Variants in PCYOX1 observed in about 807,000 individuals in gnomAD.
The protein encoded by PCYOX1 is prenylcysteine lyase.
Under a neutral mutation model 46.4 loss-of-function variants are expected in PCYOX1, and 46 were observed. The observed-to-expected ratio is 0.99, with a 90% CI of 0.78 to 1.27. The LOEUF (loss-of-function observed/expected upper bound fraction) is 1.27, where lower values mean the gene tolerates loss of function less well. Among genes scored for constraint, PCYOX1 ranks in the 50% most tolerant of loss-of-function variants. The pLI, the probability that PCYOX1 is intolerant of heterozygous loss-of-function variation, is 0.00. For missense variants in PCYOX1, 658 were observed against 628.3 expected, an observed-to-expected ratio of 1.05 and a Z score of -0.51; for synonymous variants, 220 against 231.8, an observed-to-expected ratio of 0.95 and a Z score of 0.46.
At chr2:70,266,317 C>G (rs1301707928) in intron 3 of PCYOX1, among the ~76,000 whole-genome samples, 1 of 151,910 alleles carries the variant, frequency 6.6e-6, no homozygotes, top group Admixed American at 6.6e-5. Flanking sequence ...CGTCCACGAG[C>G]CAAGGAATGC....
chr2:70,267,625 C>CA (rs925317270), intron 3 of PCYOX1, among the ~76,000 whole-genome samples: 1 of 152,088 alleles, frequency 6.6e-6, no homozygotes, highest in Non-Finnish European at 1.5e-5. Flanking sequence ...CCGTCTCCAC[C>CA]AAAAAATACG....
Position 70,279,341 on chromosome 2 carries a change from A to G in PCYOX1, c.*1949A>G, listed in dbSNP as rs951877425. On this transcript the variant is annotated 3_prime_UTR_variant, in exon 6 of 6. Transcript: ENST00000433351. ...TCTTAACAGATATGTTGAGGTATTC[A>G]TATTTGTTTCCTTTTGTGGTTTTAA... 6.6e-6 allele frequency: 1 copy of G among 152,346 alleles called. No individual in the cohort carries two copies. Among genetic ancestry groups the G allele is most frequent in the South Asian group, 2.1e-4 (1 of 4,830 alleles). The allele number at this position is 152,346 out of a possible 1,614,324, so 9.4% of individuals were successfully genotyped here.
At chr2:70,258,125 T>G (rs375223370), upstream of PCYOX1, 119 of 1,497,040 alleles carry the variant, frequency 7.9e-5, no homozygotes, top group Non-Finnish European at 1.0e-4. Context: ...GTGGGAGGAC[T>G]GCGGGGCTCT....
intron 3 of PCYOX1, 91 bp downstream of exon 3, chr2:70,261,477 C>T: frequency 2.3e-6 from 2 of 869,060 alleles, no homozygotes; most frequent in Non-Finnish European, 3.6e-6. Flanking sequence ...TTCTTGTAAG[C>T]ATTTTCTACC....
chr2:70,275,121 T>C lies in PCYOX1; in HGVS notation c.657T>C (p.Pro219=), dbSNP rs1426403550. The C allele has an allele frequency of 1.6e-5, 26 of 1,614,188 alleles. No individual in the cohort carries two copies. The highest frequency in any genetic ancestry group is 1.9e-5 in the Non-Finnish European group (23 of 1,180,014). The stretch of plus-strand genomic sequence containing the variant: ...AGTTCCTCAATGAAATGATTGCTCC[T>C]GTTATGAGGGTCAATTATGGCCAAA... ...SEKFLNEMIA[P]VMRVNYGQST... The change falls in exon 4 of 6, where the codon CCT becomes CCC. Residue 219 remains proline (P), a synonymous_variant. Coordinates refer to ENST00000433351, the MANE Select transcript of PCYOX1 (RefSeq NM_016297.4).
intron 3 of PCYOX1, 77 bp downstream of exon 3, chr2:70,261,463 T>G: frequency 9.7e-7 from 1 of 1,032,486 alleles, no homozygotes; most frequent in Non-Finnish European, 1.4e-6. Flanking sequence ...TTAGGAATTA[T>G]GATTTCTTGT....
intron 2 of PCYOX1, 60 bp downstream of exon 2, chr2:70,259,626 AT>A (rs1362851183): frequency 7.9e-7 from 1 of 1,260,486 alleles, no homozygotes; most frequent in African/African-American, 1.5e-5. Context: ...GGATATTTTT[AT>A]CAGATGGAGA....
At chr2:70,267,897 C>T (rs889526035) in intron 3 of PCYOX1, among the ~76,000 whole-genome samples, 11 of 152,060 alleles carry the variant, frequency 7.2e-5, no homozygotes, top group Admixed American at 1.3e-4. Flanking sequence ...CTGCAGCCTC[C>T]GCCTCCTGGG....
At chr2:70,272,802 A>G (rs553755749) in intron 3 of PCYOX1, among the ~76,000 whole-genome samples, 5 of 152,060 alleles carry the variant, frequency 3.3e-5, no homozygotes, top group African/African-American at 1.2e-4. Flanking sequence ...GGGTCAAGCA[A>G]TTCTCATGCC....
intron 3 of PCYOX1, among the ~76,000 whole-genome samples, chr2:70,272,158 A>G (rs1388881082): frequency 7.7e-6 from 1 of 130,682 alleles, no homozygotes; most frequent in African/African-American, 2.9e-5. Context: ...AGGGAGTTTC[A>G]CTCTGTCACC....
chr2:70,277,537 C>T lies in PCYOX1; in HGVS notation c.*145C>T. The T allele has an allele frequency of 1.5e-6, 1 of 666,176 alleles. No homozygotes were observed. Among genetic ancestry groups the T allele is most frequent in the Non-Finnish European group, 2.6e-6 (1 of 387,022 alleles). 41.3% of individuals were successfully genotyped at this position (666,176 alleles called of 1,614,324 possible). A position where few individuals can be genotyped will look rare whatever the true frequency, so the allele number is the denominator to read the frequency against. On this transcript the variant is annotated 3_prime_UTR_variant, in exon 6 of 6. Transcript: ENST00000433351. ...GTAATCCCTGCTGGTCATAGGAAAA[C>T]ACACGGTTCTAATTAAGTGTGAAGG...
chr2:70,269,688 A>G (rs1169465905), intron 3 of PCYOX1, among the ~76,000 whole-genome samples: 1 of 152,090 alleles, frequency 6.6e-6, no homozygotes, highest in Non-Finnish European at 1.5e-5. Flanking sequence ...TTGATGTCAT[A>G]GCCTCCGGCA....
chr2:70,274,556 CT>C lies in PCYOX1; in HGVS notation c.495-392del, dbSNP rs1282437000. On this transcript the variant is annotated intron_variant, in intron 3 of 5. Transcript: ENST00000433351. ...CTTTCTTTCTTCCTTAGTTTCTTTTCTTTTTTTTTTTCTTTTTTTTTTTTTA... is the reference window on the plus strand; with the variant it reads ...CTTTCTTTCTTCCTTAGTTTCTTTTCTTTTTTTTTTCTTTTTTTTTTTTTA... Among the ~76,000 whole-genome samples the C allele has an allele frequency of 1.5e-4, 20 of 133,990 alleles. No individual in the cohort carries two copies. In the South Asian group the frequency reaches 1.7e-3, roughly 11 times the overall value. The allele number at this position is 133,990 out of a possible 152,430, so 87.9% of individuals were successfully genotyped here.
chr2:70,276,131 T>C (rs1050983097), intron 5 of PCYOX1, among the ~76,000 whole-genome samples: 11 of 149,658 alleles, frequency 7.4e-5, no homozygotes, highest in African/African-American at 2.5e-4. Context: ...AATTCCCCAG[T>C]GTAGTTAAGT....
intron 3 of PCYOX1, chr2:70,274,718 T>G (rs753236967): frequency 2.1e-5 from 10 of 471,710 alleles, no homozygotes; most frequent in Non-Finnish European, 3.5e-5. Context: ...CATACACCAC[T>G]ATGCCTGGTT....
rs1415348974 is a variant in PCYOX1 at position 70,278,728 on chromosome 2, G to A, written c.*1336G>A. 1 of 152,110 alleles carries A rather than the reference G, an allele frequency of 6.6e-6. No individual in the cohort carries two copies. Among genetic ancestry groups the A allele is most frequent in the African/African-American group, 2.4e-5 (1 of 41,410 alleles). 9.4% of individuals were successfully genotyped at this position (152,110 alleles called of 1,614,324 possible). A position where few individuals can be genotyped will look rare whatever the true frequency, so the allele number is the denominator to read the frequency against. ...CTGTAGGGTTTTAAAGCATCCAAAT[G>A]GTAATTAACAGGCAGCAAAACTTCA... On this transcript the variant is annotated 3_prime_UTR_variant, in exon 6 of 6. Coordinates refer to ENST00000433351, the MANE Select transcript of PCYOX1 (RefSeq NM_016297.4).
At position 70,276,958 on chromosome 2, in the gene PCYOX1, A is replaced by G; in HGVS notation, c.1084A>G (p.Ile362Val). The change falls in exon 6 of 6, where the codon ATA becomes GTA. Residue 362 changes from isoleucine (I) to valine (V), a missense_variant. Physicochemically the swap from Ile to Val is conservative, Grantham distance 29. Transcript: ENST00000433351. ...LNTSIFSSRP[I>V]DKFGLNTVLT... is the part of the protein sequence containing the mutation. ...TACATCTATCTTTAGCTCTAGACCCATAGATAAATTTGGCCTTAATACAGT... is the reference window on the plus strand; with the variant it reads ...TACATCTATCTTTAGCTCTAGACCCGTAGATAAATTTGGCCTTAATACAGT... The G allele has an allele frequency of 6.2e-7, 1 of 1,613,278 alleles. No homozygotes were observed. The highest frequency in any genetic ancestry group is 1.1e-5 in the South Asian group (1 of 91,068).
chr2:70,258,135 T>A, upstream of PCYOX1: 1 of 1,551,812 alleles, frequency 6.4e-7, no homozygotes, highest in Non-Finnish European at 8.7e-7. Context: ...TGCGGGGCTC[T>A]TGAGGCCAGC....
At chr2:70,270,773 T>A (rs1214440672) in intron 3 of PCYOX1, among the ~76,000 whole-genome samples, 3 of 149,300 alleles carry the variant, frequency 2.0e-5, no homozygotes, top group African/African-American at 7.4e-5. Flanking sequence ...CATTTTCTCC[T>A]TTTTTTTTTC....
Sources: allele counts gnomAD v4.1 joint callset (sites outside exome capture counted in the v4.1 genomes callset), GRCh38; gene constraint gnomAD v4.1.1; transcripts MANE v1.5; gene names NCBI Gene and HGNC (gene_info 2026-07-23, HGNC 2026-07-21).